The following KAZN variants were observed in gnomAD, a reference collection of about 807,000 sequenced individuals.
KAZN encodes the protein kazrin.
In KAZN, 40 loss-of-function variants were observed where a neutral mutation model predicts 87.4. The ratio of observed to expected loss-of-function variants is 0.46; its 90% confidence interval spans 0.36 to 0.60. The LOEUF (loss-of-function observed/expected upper bound fraction) is 0.60, where lower values mean the gene tolerates loss of function less well. Among genes scored for constraint, KAZN ranks in the 20% least tolerant of loss-of-function variants. The probability of loss-of-function intolerance (pLI) is 0.00; values close to 1 mark genes in which losing one functional copy is unlikely to be tolerated. For synonymous variants in KAZN, 466 were observed against 458.3 expected (o/e 1.02, Z -0.22); for missense variants, 898 against 1,073.9 (o/e 0.84, Z 2.29).
intron 2 of KAZN, among the ~76,000 whole-genome samples, chr1:14,506,154 G>C (rs760897875): frequency 1.3e-5 from 2 of 152,186 alleles, no homozygotes; most frequent in Admixed American, 1.3e-4. Context: ...CCAGAAAGAT[G>C]ATACCACTTG....
At chr1:13,959,372 C>T (rs139259863) in intron 1 of KAZN, among the ~76,000 whole-genome samples, 16 of 152,186 alleles carry the variant, frequency 1.1e-4, no homozygotes, top group African/African-American at 2.9e-4. Flanking sequence ...GGACCATACC[C>T]GACCTCACCT....
chr1:14,770,423 T>G (rs2100588371), intron 1 of KAZN, among the ~76,000 whole-genome samples: 1 of 152,232 alleles, frequency 6.6e-6, no homozygotes, highest in South Asian at 2.1e-4. Flanking sequence ...TCAGTGTAAC[T>G]GGGTTGTTGA....
At chr1:14,567,243 G>C (rs1315730129) in intron 2 of KAZN, among the ~76,000 whole-genome samples, 2 of 152,098 alleles carry the variant, frequency 1.3e-5, no homozygotes, top group African/African-American at 2.4e-5. Flanking sequence ...CCTAGGAGAG[G>C]GAAAGAAATG....
intron 1 of KAZN, among the ~76,000 whole-genome samples, chr1:14,604,494 G>A (rs1250547051): frequency 6.6e-6 from 1 of 152,172 alleles, no homozygotes; most frequent in African/African-American, 2.4e-5. Flanking sequence ...GTGGTTGCAC[G>A]ACACCAGAAC....
At chr1:13,932,261 T>TG (rs1570315166) in intron 1 of KAZN, among the ~76,000 whole-genome samples, 1 of 146,196 alleles carries the variant, frequency 6.8e-6, no homozygotes, top group East Asian at 2.0e-4. Context: ...ATTAAACATT[T>TG]TTTTTTTTTT....
chr1:14,955,017 G>A (rs1662917149), intron 1 of KAZN, among the ~76,000 whole-genome samples: 1 of 152,180 alleles, frequency 6.6e-6, no homozygotes, highest in South Asian at 2.1e-4. Flanking sequence ...TATAGACCCT[G>A]CCCATGAGGG....
chr1:14,386,633 A>T (rs941170985), intron 2 of KAZN, among the ~76,000 whole-genome samples: 1 of 152,128 alleles, frequency 6.6e-6, no homozygotes, highest in East Asian at 1.9e-4. Context: ...AGAATGTTGA[A>T]TATTGGCCCC....
intron 1 of KAZN, among the ~76,000 whole-genome samples, chr1:13,948,758 A>T (rs1641238658): frequency 6.6e-6 from 1 of 151,800 alleles, no homozygotes; most frequent in South Asian, 2.1e-4. Flanking sequence ...CCTGGTTTTC[A>T]TTCTGTATCT....
intron 1 of KAZN, among the ~76,000 whole-genome samples, chr1:14,705,883 G>T (rs1340275235): frequency 6.6e-6 from 1 of 152,134 alleles, no homozygotes; most frequent in African/African-American, 2.4e-5. Flanking sequence ...AACTCCCGGG[G>T]CCACAGACTG....
chr1:14,313,902 GA>G (rs150292971), intron 2 of KAZN, among the ~76,000 whole-genome samples: 2 of 151,644 alleles, frequency 1.3e-5, no homozygotes, highest in Admixed American at 6.6e-5. Context: ...ATAAATGTAG[GA>G]AAAAAAATGA....
At chr1:14,948,212 A>G (rs1355520210) in intron 1 of KAZN, among the ~76,000 whole-genome samples, 2 of 152,238 alleles carry the variant, frequency 1.3e-5, no homozygotes, top group Non-Finnish European at 2.9e-5. Context: ...ACTGGCTTAA[A>G]TGAAAAAGGG....
chr1:14,765,999 C>T (rs766919029), intron 1 of KAZN, among the ~76,000 whole-genome samples: 4 of 152,168 alleles, frequency 2.6e-5, no homozygotes, highest in Non-Finnish European at 5.9e-5. Context: ...CTGGTGCCCA[C>T]AAAAGCCAAC....
intron 2 of KAZN, among the ~76,000 whole-genome samples, chr1:14,364,606 T>C (rs921450217): frequency 2.0e-5 from 3 of 152,236 alleles, no homozygotes; most frequent in Non-Finnish European, 2.9e-5. Context: ...AGAAAAAAAA[T>C]TTTATTTGCC....
chr1:14,739,665 C>CT (rs144545708), intron 1 of KAZN, among the ~76,000 whole-genome samples: 5,598 of 148,424 alleles, frequency 0.038, 113 homozygotes, highest in South Asian at 0.073. Context: ...CCAACTTCCC[C>CT]TTTTTTTTTT....
chr1:14,878,218 C>T (rs1308168277), intron 1 of KAZN, among the ~76,000 whole-genome samples: 1 of 152,114 alleles, frequency 6.6e-6, no homozygotes, highest in African/African-American at 2.4e-5. Context: ...CACTTATCAC[C>T]CCACAACCTA....
intron 2 of KAZN, among the ~76,000 whole-genome samples, chr1:14,361,751 T>C (rs374069272): frequency 1.3e-5 from 2 of 152,250 alleles, no homozygotes; most frequent in East Asian, 1.9e-4. Context: ...ATGAGCCAGG[T>C]ACCTCAGTTG....
intron 2 of KAZN, among the ~76,000 whole-genome samples, chr1:14,443,069 T>C (rs956487395): frequency 2.6e-5 from 4 of 152,190 alleles, no homozygotes; most frequent in African/African-American, 9.6e-5. Context: ...CTTTTCTACC[T>C]CAACCCACCC....
chr1:14,528,277 G>T (rs1486669811), intron 2 of KAZN, among the ~76,000 whole-genome samples: 1 of 134,662 alleles, frequency 7.4e-6, no homozygotes, highest in East Asian at 2.2e-4. Context: ...GGTGGAGGTT[G>T]CAGTGAGCCG....
intron 1 of KAZN, among the ~76,000 whole-genome samples, chr1:14,167,954 G>A (rs939639393): frequency 1.3e-5 from 2 of 152,114 alleles, no homozygotes; most frequent in Non-Finnish European, 2.9e-5. Context: ...AGCTTTTCTG[G>A]AAATTAATTG....
Sources: allele counts gnomAD v4.1 joint callset (sites outside exome capture counted in the v4.1 genomes callset), GRCh38; gene constraint gnomAD v4.1.1; transcripts MANE v1.5; gene names NCBI Gene and HGNC (gene_info 2026-07-23, HGNC 2026-07-21).